TRPC6: variants seen among roughly 807,000 people sequenced by gnomAD.
TRPC6 encodes transient receptor potential cation channel subfamily C member 6, also known as short transient receptor potential channel 6.
In TRPC6, 55 loss-of-function variants were observed where a neutral mutation model predicts 90.7. The ratio of observed to expected loss-of-function variants is 0.61; its 90% CI spans 0.49 to 0.76. The LOEUF is 0.76. TRPC6 is among the 30% of genes least tolerant of loss of function. The pLI, the probability that TRPC6 is intolerant of heterozygous loss-of-function variation, is 0.00. For missense variants in TRPC6, 989 were observed against 1,122.7 expected (o/e 0.88, Z 1.70); for synonymous variants, 393 against 393.0 (o/e 1.00, Z 0.00).
intron 1 of TRPC6, among the ~76,000 whole-genome samples, chr11:101,531,591 G>T (rs1860913300): frequency 6.6e-6 from 1 of 152,122 alleles, no homozygotes; most frequent in African/African-American, 2.4e-5. Flanking sequence ...AAGATTATTT[G>T]CTAATTACTC....
intron 1 of TRPC6, among the ~76,000 whole-genome samples, chr11:101,582,094 T>C (rs894690861): frequency 2.0e-5 from 3 of 152,254 alleles, no homozygotes; most frequent in Admixed American, 1.3e-4. Context: ...ATGGGAATTA[T>C]GTCTTGAACT....
At chr11:101,510,798 A>C (rs1380813777) in intron 1 of TRPC6, among the ~76,000 whole-genome samples, 5 of 152,162 alleles carry the variant, frequency 3.3e-5, no homozygotes, top group Admixed American at 1.3e-4. Context: ...AGTGGATTGC[A>C]TGCTAGAGTC....
intron 1 of TRPC6, among the ~76,000 whole-genome samples, chr11:101,571,600 C>G (rs1467571397): frequency 6.6e-6 from 1 of 152,112 alleles, no homozygotes; most frequent in African/African-American, 2.4e-5. Context: ...GGAGGCATCA[C>G]GCTACCTGAC....
chr11:101,491,832 C>CTTT, intron 2 of TRPC6, 94 bp from the exon 3 acceptor site: 8 of 568,364 alleles, frequency 1.4e-5, no homozygotes, highest in South Asian at 8.7e-5. Context: ...TTAAGAGAAA[C>CTTT]ATTCTTTTTT....
At chr11:101,455,167 T>C in intron 10 of TRPC6, 66 bp from the exon 11 acceptor site, 1 of 1,298,114 alleles carries the variant, frequency 7.7e-7, no homozygotes, top group Non-Finnish European at 1.1e-6. Flanking sequence ...AGTAGTGAGA[T>C]TAGTTATCTA....
intron 1 of TRPC6, among the ~76,000 whole-genome samples, chr11:101,577,073 TC>T (rs1862085878): frequency 1.3e-5 from 2 of 152,234 alleles, no homozygotes; most frequent in African/African-American, 4.8e-5. Flanking sequence ...AGACGATTAC[TC>T]CTAATAGAAG....
chr11:101,453,510 C>A, intron 12 of TRPC6, 140 bp downstream of exon 12: 1 of 825,616 alleles, frequency 1.2e-6, no homozygotes, highest in South Asian at 1.4e-5. Flanking sequence ...AACAGAACGG[C>A]GGTTGGTGAG....
intron 4 of TRPC6, among the ~76,000 whole-genome samples, chr11:101,487,237 G>A (rs1395319755): frequency 1.3e-5 from 2 of 152,074 alleles, no homozygotes. Context: ...ACTGGTCACA[G>A]AATGAGAATA....
intron 1 of TRPC6, among the ~76,000 whole-genome samples, chr11:101,574,981 G>A (rs1255024042): frequency 1.3e-5 from 2 of 152,070 alleles, no homozygotes; most frequent in Admixed American, 6.6e-5. Flanking sequence ...ACCAAAGCTG[G>A]TGCAATGGAA....
intron 4 of TRPC6, among the ~76,000 whole-genome samples, chr11:101,485,757 TA>T (rs1859665796): frequency 1.3e-5 from 2 of 152,020 alleles, no homozygotes. Context: ...ACCAAATAAA[TA>T]ACATAAATAG....
chr11:101,544,504 G>T (rs913800347), intron 1 of TRPC6, among the ~76,000 whole-genome samples: 2 of 152,150 alleles, frequency 1.3e-5, no homozygotes, highest in Non-Finnish European at 2.9e-5. Flanking sequence ...TGATATACTT[G>T]ATAAAGAAAT....
chr11:101,509,287 T>TG (rs1418201017), intron 1 of TRPC6, among the ~76,000 whole-genome samples: 1 of 151,902 alleles, frequency 6.6e-6, no homozygotes, highest in East Asian at 1.9e-4. Context: ...TTTTTATAGA[T>TG]GGGGTCTCGC....
chr11:101,499,639 GTATA>G (rs375668565), intron 2 of TRPC6, among the ~76,000 whole-genome samples: 1 of 41,762 alleles, frequency 2.4e-5, no homozygotes, highest in Non-Finnish European at 4.8e-5. Flanking sequence ...TATAAAATGT[GTATA>G]TATATATATA....
chr11:101,577,936 A>G (rs190595174), intron 1 of TRPC6, among the ~76,000 whole-genome samples: 2 of 152,312 alleles, frequency 1.3e-5, no homozygotes, highest in East Asian at 3.9e-4. Flanking sequence ...AATACAAGAT[A>G]TAGGTATCTC....
chr11:101,547,428 G>C (rs117826944), intron 1 of TRPC6, among the ~76,000 whole-genome samples: 1 of 152,096 alleles, frequency 6.6e-6, no homozygotes, highest in East Asian at 1.9e-4. Context: ...GGATAGCATG[G>C]AACAAATGCT....
chr11:101,455,148 T>A, intron 10 of TRPC6, 47 bp from the exon 11 acceptor site: 1 of 1,492,400 alleles, frequency 6.7e-7, no homozygotes, highest in Admixed American at 1.7e-5. Context: ...TACATTTTCT[T>A]TTAAATAAAG....
intron 4 of TRPC6, among the ~76,000 whole-genome samples, chr11:101,483,878 A>C (rs1010531606): frequency 4.6e-5 from 7 of 152,290 alleles, no homozygotes; most frequent in South Asian, 2.1e-4. Context: ...GGGGACAAAA[A>C]AAGCTAGTGT....
chr11:101,565,849 A>G (rs1436683921), intron 1 of TRPC6, among the ~76,000 whole-genome samples: 1 of 152,166 alleles, frequency 6.6e-6, no homozygotes. Flanking sequence ...GGGAAACTAT[A>G]TTTTTAAAAA....
At chr11:101,562,139 A>C (rs1183767746) in intron 1 of TRPC6, among the ~76,000 whole-genome samples, 3 of 152,096 alleles carry the variant, frequency 2.0e-5, no homozygotes, top group Non-Finnish European at 4.4e-5. Flanking sequence ...CCTATTTCTC[A>C]GTTCTTATCC....
Sources: allele counts gnomAD v4.1 joint callset (sites outside exome capture counted in the v4.1 genomes callset), GRCh38; gene constraint gnomAD v4.1.1; transcripts MANE v1.5; gene names NCBI Gene and HGNC (gene_info 2026-07-23, HGNC 2026-07-21).